Variants in TCF4 observed in about 807,000 individuals in gnomAD.
TCF4 encodes the protein SL3-3 enhancer factor 2.
A neutral mutation model predicts 82.1 loss-of-function variants in TCF4; 3 were observed. The observed-to-expected ratio is 0.04, with a 90% CI of 0.02 to 0.09. The LOEUF (loss-of-function observed/expected upper bound fraction) is 0.09, where lower values mean the gene tolerates loss of function less well. Ranked by LOEUF, TCF4 falls within the 10% of genes least tolerant of loss-of-function variation. The pLI is 1.00. For synonymous variants in TCF4, 276 were observed against 309.6 expected (o/e 0.89, Z 1.14); for missense variants, 518 against 852.7 (o/e 0.61, Z 4.89).
intron 8 of TCF4, among the ~76,000 whole-genome samples, chr18:55,297,147 G>GTTTTT (rs35268463): frequency 6.2e-5 from 4 of 64,250 alleles, no homozygotes; most frequent in African/African-American, 6.9e-5. Flanking sequence ...TTTCTTTGAG[G>GTTTTT]TTTTTTTTTT....
chr18:55,469,336 C>T (rs999374011), intron 3 of TCF4, among the ~76,000 whole-genome samples: 14 of 151,886 alleles, frequency 9.2e-5, no homozygotes, highest in South Asian at 8.3e-4. Flanking sequence ...TGGTGGTGGA[C>T]GCCTGTAATC....
chr18:55,417,613 G>T (rs1345157046), intron 5 of TCF4, among the ~76,000 whole-genome samples: 2 of 152,160 alleles, frequency 1.3e-5, no homozygotes, highest in African/African-American at 4.8e-5. Context: ...AAGGAACTCT[G>T]TACATCCTGC....
upstream of TCF4, chr18:55,589,624 G>C (rs1253949760): frequency 9.6e-7 from 1 of 1,043,554 alleles, no homozygotes; most frequent in Admixed American, 5.6e-5. Flanking sequence ...AATTCTTGTT[G>C]GTGATTTTTT....
intron 6 of TCF4, among the ~76,000 whole-genome samples, chr18:55,366,001 GATATA>G (rs1569210942): frequency 4.9e-5 from 7 of 142,958 alleles, no homozygotes; most frequent in South Asian, 2.1e-4. Context: ...TATAGATATA[GATATA>G]GATATAGATA....
intron 5 of TCF4, among the ~76,000 whole-genome samples, chr18:55,458,122 T>C (rs1292143644): frequency 6.6e-6 from 1 of 152,186 alleles, no homozygotes; most frequent in Admixed American, 6.5e-5. Context: ...ATAAAATTAG[T>C]GTCACTTATT....
chr18:55,257,534 T>C lies in TCF4; in HGVS notation c.1070-143A>G, dbSNP rs140168215. 2.0e-4 allele frequency: 153 copies of C among 777,584 alleles called. 2 individuals carry two copies. The Admixed American group carries it at 2.6e-3, about 13-fold the overall frequency. 48.2% of individuals were successfully genotyped at this position (777,584 alleles called of 1,614,324 possible). ...AACGTAAATACATGTAAACTTCCCA[T>C]ATAAGAATTTTGGGACAAGGAAAAC... On this transcript the variant is annotated intron_variant, in intron 13 of 19. Coordinates refer to ENST00000354452, the MANE Select transcript of TCF4 (RefSeq NM_001083962.2).
At chr18:55,349,099 T>C (rs2081804615) in intron 8 of TCF4, among the ~76,000 whole-genome samples, 2 of 152,174 alleles carry the variant, frequency 1.3e-5, no homozygotes, top group African/African-American at 2.4e-5. Context: ...CTGAGTACAA[T>C]TTTAAGTGAC....
intron 3 of TCF4, among the ~76,000 whole-genome samples, chr18:55,523,175 T>C (rs1391266984): frequency 6.6e-6 from 1 of 152,020 alleles, no homozygotes; most frequent in African/African-American, 2.4e-5. Flanking sequence ...GAATATTACA[T>C]TATCAACAAA....
intron 6 of TCF4, among the ~76,000 whole-genome samples, chr18:55,376,860 TA>T (rs1358850720): frequency 6.6e-6 from 1 of 152,236 alleles, no homozygotes; most frequent in African/African-American, 2.4e-5. Flanking sequence ...AAGCCTTTTT[TA>T]CAGATGGTAG....
rs909390696 is a variant in TCF4 at position 55,581,298 on chromosome 18, T to C, written c.145+3982A>G. 4.6e-5 allele frequency among the ~76,000 whole-genome samples: 7 copies of C among 151,970 alleles called. No homozygotes were observed. The South Asian group carries it at 1.4e-3, about 31-fold the overall frequency. On this transcript the variant is annotated intron_variant, in intron 3 of 19. Transcript: ENST00000354452. ...AAAACTTGTTTTTTAAAATAACAAA[T>C]AAGAAAGCACAGTTTGGAACTCCTT...
At chr18:55,495,887 A>T (rs2096629836) in intron 3 of TCF4, 1 of 152,216 alleles carries the variant, frequency 6.6e-6, no homozygotes, top group Non-Finnish European at 1.5e-5. Flanking sequence ...AATCATTTGA[A>T]TAATTCACGA....
intron 3 of TCF4, among the ~76,000 whole-genome samples, chr18:55,464,846 A>G (rs1194513640): frequency 6.6e-6 from 1 of 152,198 alleles, no homozygotes; most frequent in African/African-American, 2.4e-5. Flanking sequence ...TGACAGTGAA[A>G]AGACCTACAT....
At chr18:55,379,301 T>C (rs1327266823) in intron 6 of TCF4, among the ~76,000 whole-genome samples, 2 of 152,232 alleles carry the variant, frequency 1.3e-5, no homozygotes, top group Non-Finnish European at 2.9e-5. Flanking sequence ...GAGTAGTTTA[T>C]TAACTCAACA....
chr18:55,316,488 C>G (rs2074171675), intron 8 of TCF4, among the ~76,000 whole-genome samples: 1 of 151,990 alleles, frequency 6.6e-6, no homozygotes, highest in Non-Finnish European at 1.5e-5. Context: ...CACACACATA[C>G]AAAATTCATA....
At chr18:55,261,069 C>CTTTT (rs78112276) in intron 12 of TCF4, 11 of 91,898 alleles carry the variant, frequency 1.2e-4, no homozygotes, top group African/African-American at 3.6e-4. Flanking sequence ...CAGTTATTGT[C>CTTTT]TTTTTTTTTT....
intron 2 of TCF4, chr18:55,596,357 G>A: frequency 4.2e-6 from 1 of 236,634 alleles, no homozygotes. Flanking sequence ...ATATGCAGCT[G>A]TGTAACCTTG....
chr18:55,494,157 G>GACACACACACACACACACAC (rs3138626), intron 3 of TCF4, among the ~76,000 whole-genome samples: 3,147 of 147,632 alleles, frequency 0.021, 39 homozygotes, highest in African/African-American at 0.033. Flanking sequence ...AAATATTATG[G>GACACACACACACACACACAC]ACACACACAC....
intron 8 of TCF4, among the ~76,000 whole-genome samples, chr18:55,324,549 T>G (rs2076234610): frequency 6.6e-6 from 1 of 152,314 alleles, no homozygotes; most frequent in African/African-American, 2.4e-5. Flanking sequence ...AGTCTTAATC[T>G]TAAGCAGCCA....
intron 6 of TCF4, among the ~76,000 whole-genome samples, chr18:55,364,902 T>C (rs1296693943): frequency 1.3e-5 from 2 of 151,944 alleles, no homozygotes; most frequent in Non-Finnish European, 2.9e-5. Flanking sequence ...GGCTCATGCC[T>C]CTAATCCCAG....
Sources: gnomAD v4.1 joint callset for allele counts (sites outside exome capture counted in the v4.1 genomes callset) on GRCh38, gnomAD v4.1.1 for gene constraint, MANE v1.5 for transcripts, NCBI Gene and HGNC (gene_info 2026-07-23, HGNC 2026-07-21) for gene names.